The following ZDHHC17 variants were observed in gnomAD, a reference collection of about 807,000 sequenced individuals.
The protein encoded by ZDHHC17 is zDHHC palmitoyltransferase 17.
A neutral mutation model predicts 90.3 loss-of-function variants in ZDHHC17; 40 were observed. The observed-to-expected ratio is 0.44, with a 90% CI of 0.34 to 0.58. ZDHHC17 has a LOEUF of 0.58. ZDHHC17 is among the 20% of genes least tolerant of loss of function. ZDHHC17 has a pLI of 0.01. For missense variants in ZDHHC17, 614 were observed against 780.8 expected (o/e 0.79, Z 2.55); for synonymous variants, 235 against 252.4 (o/e 0.93, Z 0.65).
intron 10 of ZDHHC17, among the ~76,000 whole-genome samples, chr12:76,834,213 A>AT: frequency 6.6e-6 from 1 of 152,184 alleles, no homozygotes; most frequent in Admixed American, 6.5e-5. Flanking sequence ...ATTTTTAAAA[A>AT]TTTTTTCTCT....
At chr12:76,825,190 T>C (rs1451160053) in intron 8 of ZDHHC17, among the ~76,000 whole-genome samples, 4 of 152,328 alleles carry the variant, frequency 2.6e-5, no homozygotes, top group African/African-American at 7.2e-5. Flanking sequence ...TGTTGTGATA[T>C]GCTACTGTGA....
At chr12:76,811,470 G>A (rs1048605032) in intron 5 of ZDHHC17, among the ~76,000 whole-genome samples, 4 of 151,720 alleles carry the variant, frequency 2.6e-5, no homozygotes, top group Admixed American at 1.3e-4. Flanking sequence ...TTTGGAGTTT[G>A]GATTATTTCA....
At chr12:76,813,397 C>A in intron 5 of ZDHHC17, 2 of 445,644 alleles carry the variant, frequency 4.5e-6, no homozygotes, top group Non-Finnish European at 9.0e-6. Context: ...TAAAGTAAAT[C>A]CAGAAATGGA....
chr12:76,811,537 A>G (rs894761693), intron 5 of ZDHHC17, among the ~76,000 whole-genome samples: 13 of 152,132 alleles, frequency 8.5e-5, no homozygotes, highest in Middle Eastern at 3.4e-3. Context: ...AAAGGGCAGG[A>G]TTTCTACCTG....
At chr12:76,805,267 T>C (rs1218286085) in intron 2 of ZDHHC17, 50 bp from the exon 3 acceptor site, 1 of 1,462,332 alleles carries the variant, frequency 6.8e-7, no homozygotes, top group Non-Finnish European at 9.4e-7. Flanking sequence ...ATTTTTAACT[T>C]TACATTTCTT....
intron 3 of ZDHHC17, among the ~76,000 whole-genome samples, chr12:76,807,950 TAATTA>T (rs1185773055): frequency 6.6e-6 from 1 of 152,206 alleles, no homozygotes; most frequent in African/African-American, 2.4e-5. Flanking sequence ...GATTCAGGAA[TAATTA>T]AATGTTTGCG....
intron 8 of ZDHHC17, among the ~76,000 whole-genome samples, chr12:76,823,448 A>AG (rs1261709496): frequency 6.6e-6 from 1 of 152,140 alleles, no homozygotes; most frequent in Non-Finnish European, 1.5e-5. Flanking sequence ...TCCCCCAGAG[A>AG]GGGGGTCTAG....
intron 2 of ZDHHC17, among the ~76,000 whole-genome samples, chr12:76,801,383 G>T (rs968424057): frequency 4.0e-5 from 6 of 151,754 alleles, no homozygotes; most frequent in African/African-American, 1.5e-4. Flanking sequence ...GCCGGGCACG[G>T]TGGCTCATGC....
chr12:76,787,775 C>G (rs1480371754), intron 1 of ZDHHC17, among the ~76,000 whole-genome samples: 1 of 152,158 alleles, frequency 6.6e-6, no homozygotes, highest in African/African-American at 2.4e-5. Context: ...AGTAGTAAAA[C>G]CATATACTAG....
rs377014924 is a variant in ZDHHC17 at position 76,796,052 on chromosome 12, T to A, written c.94-1382T>A. On this transcript the variant is annotated intron_variant, in intron 1 of 16. Coordinates refer to ENST00000426126, the MANE Select transcript of ZDHHC17 (RefSeq NM_015336.4). ...TCCTTTTCATTGAAAATATTCAGATTGATAGTCTTCTAAATTTATGGTTCA... is the reference window on the plus strand; with the variant it reads ...TCCTTTTCATTGAAAATATTCAGATAGATAGTCTTCTAAATTTATGGTTCA... Among the ~76,000 whole-genome samples, 30 of 152,302 alleles carry A rather than the reference T, an allele frequency of 2.0e-4. No individual in the cohort carries two copies. The South Asian group carries it at 6.2e-3, about 32-fold the overall frequency.
In ZDHHC17 at chr12:76,841,988, A is replaced by C; in HGVS notation, c.1148A>C (p.Asn383Thr). ...ATTCCTTAACCTTAGGCACATCTCA[A>C]CTTTTTATTTATCCATCTTCCATTC... ...TWFFWFWNDLNFLFIHLPFLA... is the reference protein window; with the variant it reads ...TWFFWFWNDLTFLFIHLPFLA... Residue 383 changes from asparagine (N) to threonine (T), a missense_variant, in exon 11 of 17, where the codon AAC (asparagine) becomes ACC (threonine). Asn to Thr is a moderately conservative substitution (Grantham distance 65, BLOSUM62 0). This residue lies in a region of ZDHHC17 where 117 missense variants were observed against 183.6 expected (regional missense o/e 0.64). Coordinates refer to ENST00000426126, the MANE Select transcript of ZDHHC17 (RefSeq NM_015336.4). 1 of 1,567,898 alleles carries C rather than the reference A, an allele frequency of 6.4e-7. No individual in the cohort carries two copies.
chr12:76,816,931 A>T (rs1048192436), intron 7 of ZDHHC17, among the ~76,000 whole-genome samples: 4 of 152,052 alleles, frequency 2.6e-5, no homozygotes, highest in Non-Finnish European at 5.9e-5. Context: ...TTCTAAAAAA[A>T]TTTCAAGTCT....
At chr12:76,837,129 A>G (rs912405251) in intron 10 of ZDHHC17, among the ~76,000 whole-genome samples, 4 of 152,214 alleles carry the variant, frequency 2.6e-5, no homozygotes, top group Admixed American at 2.6e-4. Flanking sequence ...CACATTTAAA[A>G]TGATTCAGGT....
At chr12:76,822,783 G>A (rs1953181553) in intron 8 of ZDHHC17, among the ~76,000 whole-genome samples, 1 of 151,622 alleles carries the variant, frequency 6.6e-6, no homozygotes, top group Non-Finnish European at 1.5e-5. Flanking sequence ...GACTTCAGAT[G>A]ACTTCACCTG....
chr12:76,776,140 A>C (rs1230342035), intron 1 of ZDHHC17, among the ~76,000 whole-genome samples: 1 of 152,192 alleles, frequency 6.6e-6, no homozygotes, highest in Non-Finnish European at 1.5e-5. Flanking sequence ...GACAAACTAG[A>C]ATCTAGTCTT....
At chr12:76,770,712 C>T (rs1441634040) in intron 1 of ZDHHC17, among the ~76,000 whole-genome samples, 2 of 151,980 alleles carry the variant, frequency 1.3e-5, no homozygotes, top group Non-Finnish European at 2.9e-5. Context: ...CTGAGGCTGG[C>T]AGATCTCCTG....
chr12:76,812,038 G>T (rs757666440), intron 5 of ZDHHC17, among the ~76,000 whole-genome samples: 2 of 152,096 alleles, frequency 1.3e-5, no homozygotes, highest in African/African-American at 2.4e-5. Flanking sequence ...TTAGATTTTG[G>T]TCCCATTCTC....
chr12:76,791,041 G>T (rs1376074525), intron 1 of ZDHHC17, among the ~76,000 whole-genome samples: 1 of 152,090 alleles, frequency 6.6e-6, no homozygotes, highest in East Asian at 1.9e-4. Flanking sequence ...ATTGTACATT[G>T]TATACCTGTA....
chr12:76,837,203 T>C (rs1330080495), intron 10 of ZDHHC17, among the ~76,000 whole-genome samples: 1 of 152,234 alleles, frequency 6.6e-6, no homozygotes, highest in Admixed American at 6.5e-5. Flanking sequence ...TGGCGTGATC[T>C]TGATTCAGGG....
Sources: allele counts gnomAD v4.1 joint callset (sites outside exome capture counted in the v4.1 genomes callset), GRCh38; gene constraint gnomAD v4.1.1; regional missense constraint gnomAD v4.1.1; transcripts MANE v1.5; gene names NCBI Gene and HGNC (gene_info 2026-07-23, HGNC 2026-07-21).